IGSF21: variants seen among roughly 807,000 people sequenced by gnomAD.
IGSF21 encodes the protein immunoglobulin superfamily member 21.
IGSF21 carries 28 observed loss-of-function variants against 46.8 expected under a neutral mutation model. That is an observed-to-expected ratio of 0.60 (90% CI 0.44 to 0.82). The LOEUF (loss-of-function observed/expected upper bound fraction) is 0.82, where lower values mean the gene tolerates loss of function less well. Among genes scored for constraint, IGSF21 ranks in the 40% least tolerant of loss-of-function variants. IGSF21 has a pLI of 0.00. For missense variants in IGSF21, 624 were observed against 665.5 expected, an observed-to-expected ratio of 0.94 and a Z score of 0.69; for synonymous variants, 284 against 273.6, an observed-to-expected ratio of 1.04 and a Z score of -0.38.
intron 3 of IGSF21, among the ~76,000 whole-genome samples, chr1:18,307,550 G>A (rs1030508792): frequency 3.9e-5 from 6 of 152,238 alleles, no homozygotes; most frequent in African/African-American, 1.4e-4. Flanking sequence ...GCAAGCAGCT[G>A]AGCCGGGATT....
chr1:18,269,303 C>T (rs953537497), intron 2 of IGSF21, among the ~76,000 whole-genome samples: 5 of 152,040 alleles, frequency 3.3e-5, no homozygotes, highest in African/African-American at 1.2e-4. Context: ...TGGGCATTTG[C>T]CTGAGACTTT....
rs148680615 is a variant in IGSF21, at chr1:18,217,952, G to C, written c.71-9946G>C. ...AATCCTTTGAAAACTGCCAAGCACT[G>C]GTCACATGTTCATTTTTTCATTCCT... On this transcript the variant is annotated intron_variant, in intron 1 of 9. Coordinates refer to ENST00000251296, the MANE Select transcript of IGSF21 (RefSeq NM_032880.5). 4.8e-3 allele frequency among the ~76,000 whole-genome samples: 737 copies of C among 152,284 alleles called. 7 individuals carry two copies. The highest frequency in any genetic ancestry group is 0.016 in the African/African-American group (658 of 41,550).
At chr1:18,295,099 C>A (rs1021928715) in intron 3 of IGSF21, among the ~76,000 whole-genome samples, 26 of 152,096 alleles carry the variant, frequency 1.7e-4, no homozygotes, top group South Asian at 4.1e-4. Context: ...ACTCCTGGAG[C>A]TTTTTGTCCC....
intron 1 of IGSF21, among the ~76,000 whole-genome samples, chr1:18,166,165 C>T (rs2086676624): frequency 6.6e-6 from 1 of 152,288 alleles, no homozygotes; most frequent in South Asian, 2.1e-4. Flanking sequence ...TCCTAACAAG[C>T]CACTAACAGA....
At chr1:18,121,181 G>T (rs1466334307) in intron 1 of IGSF21, among the ~76,000 whole-genome samples, 1 of 152,100 alleles carries the variant, frequency 6.6e-6, no homozygotes, top group Non-Finnish European at 1.5e-5. Context: ...CCTTGCAGAT[G>T]GGGGAAGGGA....
chr1:18,355,911 C>T (rs2086012400), intron 4 of IGSF21, among the ~76,000 whole-genome samples: 1 of 146,310 alleles, frequency 6.8e-6, no homozygotes, highest in Non-Finnish European at 1.5e-5. Context: ...TCTCGGCTCA[C>T]TGCAACCTCC....
At chr1:18,281,109 G>A (rs2085154787) in intron 2 of IGSF21, among the ~76,000 whole-genome samples, 1 of 152,232 alleles carries the variant, frequency 6.6e-6, no homozygotes, top group Non-Finnish European at 1.5e-5. Flanking sequence ...GTTTATGAAT[G>A]AAGAAATGAA....
chr1:18,168,304 G>A (rs191979471), intron 1 of IGSF21, among the ~76,000 whole-genome samples: 1 of 152,260 alleles, frequency 6.6e-6, no homozygotes, highest in Admixed American at 6.5e-5. Flanking sequence ...GGGAGTTCAG[G>A]GTGATATACG....
At chr1:18,158,474 G>A (rs573178586) in intron 1 of IGSF21, among the ~76,000 whole-genome samples, 5 of 152,256 alleles carry the variant, frequency 3.3e-5, no homozygotes, top group African/African-American at 1.2e-4. Flanking sequence ...CTCCTGACAG[G>A]ACATCTGAGT....
At chr1:18,351,506 A>T (rs1302188540) in intron 4 of IGSF21, among the ~76,000 whole-genome samples, 1 of 152,178 alleles carries the variant, frequency 6.6e-6, no homozygotes. Context: ...CGCTGGGGGA[A>T]GATGAAGAGG....
intron 1 of IGSF21, among the ~76,000 whole-genome samples, chr1:18,196,975 C>T (rs192338027): frequency 4.5e-4 from 68 of 152,242 alleles, no homozygotes; most frequent in African/African-American, 1.5e-3. Context: ...CCCGGCTTCC[C>T]GGTACCAAGT....
At position 18,299,795 on chromosome 1, in the gene IGSF21, A is replaced by C. The variant is rs1446556780; in HGVS notation, c.305+7808A>C. On this transcript the variant is annotated intron_variant, in intron 3 of 9. Coordinates refer to ENST00000251296, the MANE Select transcript of IGSF21 (RefSeq NM_032880.5). Reference sequence around the variant, plus strand: ...TTTTTAACAGATTATGCCTCTTAGCATTAGAATTGAAAGCCCCTGGCTTTC... The same window carrying C: ...TTTTTAACAGATTATGCCTCTTAGCCTTAGAATTGAAAGCCCCTGGCTTTC... 2.0e-5 allele frequency among the ~76,000 whole-genome samples: 3 copies of C among 152,212 alleles called. No homozygotes were observed. In the East Asian group the frequency reaches 5.8e-4, roughly 29 times the overall value.
chr1:18,377,527 T>G lies in IGSF21; in HGVS notation c.1333+96T>G, dbSNP rs941625462. The G allele has an allele frequency of 3.1e-6, 3 of 962,670 alleles. No individual in the cohort carries two copies. In the African/African-American group the frequency reaches 4.8e-5, roughly 16 times the overall value. The allele number at this position is 962,670 out of a possible 1,614,324, so 59.6% of individuals were successfully genotyped here. ...CCCAAACTTCCCATATGCACACCCT[T>G]GCCACTCCCTGACACCTCAGGCAGG... On this transcript the variant is annotated intron_variant, in intron 9 of 9. Coordinates refer to ENST00000251296, the MANE Select transcript of IGSF21 (RefSeq NM_032880.5).
intron 1 of IGSF21, among the ~76,000 whole-genome samples, chr1:18,173,324 A>G (rs1001305369): frequency 6.6e-6 from 1 of 152,186 alleles, no homozygotes; most frequent in Non-Finnish European, 1.5e-5. Flanking sequence ...ATCAGCTTTA[A>G]TTGAGGTATA....
chr1:18,154,755 CA>C (rs752130148), intron 1 of IGSF21, among the ~76,000 whole-genome samples: 7 of 151,878 alleles, frequency 4.6e-5, no homozygotes, highest in Non-Finnish European at 1.0e-4. Context: ...TTTGTGTAAC[CA>C]AATTCGTCCT....
intron 4 of IGSF21, among the ~76,000 whole-genome samples, chr1:18,345,673 C>T (rs1024398836): frequency 1.4e-4 from 21 of 152,312 alleles, no homozygotes; most frequent in Middle Eastern, 3.4e-3. Flanking sequence ...TGTGAGCCAC[C>T]GCACCCGGCT....
At chr1:18,207,033 T>C (rs916837266) in intron 1 of IGSF21, among the ~76,000 whole-genome samples, 1 of 152,200 alleles carries the variant, frequency 6.6e-6, no homozygotes, top group African/African-American at 2.4e-5. Flanking sequence ...TGGGCTCTTA[T>C]CTGGAGTCTT....
intron 1 of IGSF21, among the ~76,000 whole-genome samples, chr1:18,134,764 G>A (rs959440052): frequency 6.6e-6 from 1 of 152,190 alleles, no homozygotes; most frequent in Non-Finnish European, 1.5e-5. Context: ...CTCTGCCCCA[G>A]GGTCCATGGG....
chr1:18,338,779 G>A (rs1001528345), intron 4 of IGSF21, among the ~76,000 whole-genome samples: 1 of 152,158 alleles, frequency 6.6e-6, no homozygotes, highest in Non-Finnish European at 1.5e-5. Flanking sequence ...TCATTAAAAT[G>A]TTTTTATCCG....
Sources: gnomAD v4.1 joint callset for allele counts (sites outside exome capture counted in the v4.1 genomes callset) on GRCh38, gnomAD v4.1.1 for gene constraint, MANE v1.5 for transcripts, NCBI Gene and HGNC (gene_info 2026-07-23, HGNC 2026-07-21) for gene names.